The following MAP2K6 variants were observed in gnomAD, a reference collection of about 807,000 sequenced individuals.
MAP2K6 encodes dual specificity mitogen-activated protein kinase kinase 6.
In MAP2K6, 16 loss-of-function variants were observed where a neutral mutation model predicts 53.7. That is an observed-to-expected ratio of 0.30 (90% CI 0.20 to 0.45). MAP2K6 has a LOEUF of 0.45. MAP2K6 is among the 20% of genes least tolerant of loss of function. The probability of loss-of-function intolerance (pLI) is 1.00; values close to 1 mark genes in which losing one functional copy is unlikely to be tolerated. For synonymous variants in MAP2K6, 132 were observed against 143.1 expected, an observed-to-expected ratio of 0.92 and a Z score of 0.55; for missense variants, 204 against 411.9, an observed-to-expected ratio of 0.50 and a Z score of 4.37.
intron 1 of MAP2K6, chr17:69,502,632 T>C: frequency 1.0e-6 from 1 of 985,438 alleles, no homozygotes; most frequent in African/African-American, 1.7e-5. Context: ...GTCAAGGGTT[T>C]AGAGTCTGGA....
At position 69,553,435 on chromosome 17, in the gene MAP2K6, C is replaced by T. The variant is rs1368200728; in HGVS notation, c.*11682C>T. 2 of 152,166 alleles carry T rather than the reference C, an allele frequency of 1.3e-5. No individual in the cohort carries two copies. The highest frequency in any genetic ancestry group is 3.2e-3 in the Middle Eastern group (1 of 316). The allele number at this position is 152,166 out of a possible 1,614,324, so 9.4% of individuals were successfully genotyped here. A position where few individuals can be genotyped will look rare whatever the true frequency, so the allele number is the denominator to read the frequency against. On this transcript the variant is annotated 3_prime_UTR_variant, in exon 12 of 12. Coordinates refer to ENST00000590474, the MANE Select transcript of MAP2K6 (RefSeq NM_002758.4). ...TACCGTTCTGGGTCCCCTCTGACCACCTCAAAAAGAAAATGAAATTGGGAG... is the reference window on the plus strand; with the variant it reads ...TACCGTTCTGGGTCCCCTCTGACCATCTCAAAAAGAAAATGAAATTGGGAG...
chr17:69,464,352 A>G (rs1185558938), intron 1 of MAP2K6, among the ~76,000 whole-genome samples: 2 of 151,962 alleles, frequency 1.3e-5, no homozygotes, highest in Non-Finnish European at 2.9e-5. Context: ...AACACTCACT[A>G]CTTATTTTTA....
chr17:69,469,871 C>T (rs576734676), intron 1 of MAP2K6, among the ~76,000 whole-genome samples: 22 of 152,040 alleles, frequency 1.4e-4, no homozygotes, highest in Middle Eastern at 6.8e-3. Flanking sequence ...ACATCATGGT[C>T]GGTGGAGCAA....
At chr17:69,511,019 C>T (rs1468603548) in intron 2 of MAP2K6, among the ~76,000 whole-genome samples, 1 of 152,060 alleles carries the variant, frequency 6.6e-6, no homozygotes, top group African/African-American at 2.4e-5. Context: ...ATCCCTTCCC[C>T]TTACAATTTT....
chr17:69,527,664 G>A (rs950859009), intron 10 of MAP2K6, among the ~76,000 whole-genome samples: 1 of 152,142 alleles, frequency 6.6e-6, no homozygotes, highest in Non-Finnish European at 1.5e-5. Flanking sequence ...AGGAGGAAGG[G>A]GGCTCGGAGA....
intron 1 of MAP2K6, among the ~76,000 whole-genome samples, chr17:69,500,311 G>A (rs1287063383): frequency 6.6e-6 from 1 of 151,718 alleles, no homozygotes; most frequent in Non-Finnish European, 1.5e-5. Context: ...GGGGTGGCAC[G>A]TGCCTGTATT....
intron 10 of MAP2K6, among the ~76,000 whole-genome samples, chr17:69,530,679 C>G (rs972360844): frequency 2.0e-5 from 3 of 152,146 alleles, no homozygotes; most frequent in South Asian, 4.1e-4. Context: ...TTTGATATCC[C>G]TTAAGTATGA....
intron 1 of MAP2K6, among the ~76,000 whole-genome samples, chr17:69,476,020 A>G (rs1908138739): frequency 6.6e-6 from 1 of 152,230 alleles, no homozygotes; most frequent in Non-Finnish European, 1.5e-5. Flanking sequence ...GGTTGAGCAA[A>G]TGAGAAAAGG....
At chr17:69,472,748 G>A (rs1908024686) in intron 1 of MAP2K6, among the ~76,000 whole-genome samples, 1 of 152,128 alleles carries the variant, frequency 6.6e-6, no homozygotes, top group Non-Finnish European at 1.5e-5. Flanking sequence ...GCTCGGGCTG[G>A]GGTACAGTGG....
At chr17:69,449,531 G>GCCTT (rs1297567100) in intron 1 of MAP2K6, among the ~76,000 whole-genome samples, 3 of 103,386 alleles carry the variant, frequency 2.9e-5, no homozygotes, top group African/African-American at 1.4e-4. Flanking sequence ...TTCTTTCTTT[G>GCCTT]TCTTTCTTTC....
Position 69,512,175 on chromosome 17 carries a change from A to G in MAP2K6, c.84-4680A>G, listed in dbSNP as rs546107730. Among the ~76,000 whole-genome samples, 6 of 151,846 alleles carry G rather than the reference A, an allele frequency of 4.0e-5. No individual in the cohort carries two copies. The South Asian group carries it at 1.3e-3, about 32-fold the overall frequency. ...TAAGCTCAGGAATCTCTGACTCTCA[A>G]TTATGTACTCTTAGCCACACATCAG... On this transcript the variant is annotated intron_variant, in intron 2 of 11. Coordinates refer to ENST00000590474, the MANE Select transcript of MAP2K6 (RefSeq NM_002758.4).
At chr17:69,510,638 A>T (rs138489153) in intron 2 of MAP2K6, among the ~76,000 whole-genome samples, 15 of 152,174 alleles carry the variant, frequency 9.9e-5, no homozygotes, top group African/African-American at 3.6e-4. Flanking sequence ...TTTAGTAGTT[A>T]TAGGACTATT....
intron 1 of MAP2K6, among the ~76,000 whole-genome samples, chr17:69,497,902 C>T (rs1909007240): frequency 6.6e-6 from 1 of 152,114 alleles, no homozygotes; most frequent in Non-Finnish European, 1.5e-5. Context: ...CCCTTAAATC[C>T]TACCAAAATC....
chr17:69,489,883 A>G (rs902812989), intron 1 of MAP2K6, among the ~76,000 whole-genome samples: 1 of 152,216 alleles, frequency 6.6e-6, no homozygotes, highest in Non-Finnish European at 1.5e-5. Context: ...ACAAAAGGCA[A>G]AGGCTACTGT....
At chr17:69,432,829 G>GA (rs1213497410) in intron 1 of MAP2K6, among the ~76,000 whole-genome samples, 8 of 144,870 alleles carry the variant, frequency 5.5e-5, no homozygotes, top group Middle Eastern at 3.7e-3. Context: ...AAAAAAAAAG[G>GA]ATCTTGGTTA....
chr17:69,520,854 T>C (rs951165636), intron 6 of MAP2K6, 195 bp from the exon 7 acceptor site: 4 of 495,078 alleles, frequency 8.1e-6, no homozygotes, highest in South Asian at 3.4e-5. Context: ...CTCTCTGATA[T>C]AAGATACAGT....
At chr17:69,489,220 CAAAAAAA>C (rs58968517) in intron 1 of MAP2K6, among the ~76,000 whole-genome samples, 1 of 62,644 alleles carries the variant, frequency 1.6e-5, no homozygotes, top group Non-Finnish European at 3.1e-5. Context: ...AACTCTGTCT[CAAAAAAA>C]AAAAAAAAAA....
intron 6 of MAP2K6, 35 bp downstream of exon 6, chr17:69,520,421 G>T: frequency 1.5e-6 from 2 of 1,298,052 alleles, no homozygotes; most frequent in Non-Finnish European, 2.2e-6. Context: ...CAAGGATAAT[G>T]TGAGAAATAA....
intron 1 of MAP2K6, chr17:69,433,480 G>A (rs1198637237): frequency 6.6e-6 from 1 of 152,242 alleles, no homozygotes; most frequent in Non-Finnish European, 1.5e-5. Context: ...CAGGACCTCT[G>A]TTTATTCAGT....
Sources: gnomAD v4.1 joint callset for allele counts (sites outside exome capture counted in the v4.1 genomes callset) on GRCh38, gnomAD v4.1.1 for gene constraint, MANE v1.5 for transcripts, NCBI Gene and HGNC (gene_info 2026-07-23, HGNC 2026-07-21) for gene names.